CBLN1: variants seen among roughly 807,000 people sequenced by gnomAD.
The protein encoded by CBLN1 is cerebellin-1.
A neutral mutation model predicts 15.9 loss-of-function variants in CBLN1; 5 were observed. The observed-to-expected ratio is 0.31, with a 90% CI of 0.16 to 0.66. The LOEUF (loss-of-function observed/expected upper bound fraction) is 0.66, where lower values mean the gene tolerates loss of function less well. Ranked by LOEUF, CBLN1 falls within the 30% of genes least tolerant of loss-of-function variation. The probability of loss-of-function intolerance (pLI) is 0.75; values close to 1 mark genes in which losing one functional copy is unlikely to be tolerated. For synonymous variants in CBLN1, 90 were observed against 107.6 expected (o/e 0.84, Z 1.01); for missense variants, 164 against 253.7 (o/e 0.65, Z 2.40).
intron 2 of CBLN1, among the ~76,000 whole-genome samples, chr16:49,280,377 C>CCCCT (rs1226752918): frequency 6.6e-6 from 1 of 152,170 alleles, no homozygotes; most frequent in Non-Finnish European, 1.5e-5. Context: ...AGCACTACGC[C>CCCCT]CCCTCCCTCC....
chr16:49,280,086 G>A (rs113589461), intron 2 of CBLN1, among the ~76,000 whole-genome samples: 9,526 of 152,254 alleles, frequency 0.063, 313 homozygotes, highest in African/African-American at 0.082. Context: ...CAGCTGCCAG[G>A]ACACAGTGGA....
rs1963232298 is a variant in CBLN1, at chr16:49,279,281, C to G, written c.*123G>C. On this transcript the variant is annotated 3_prime_UTR_variant, in exon 3 of 3. Transcript: ENST00000219197. ...TGGCGCGCACCTTTTTACCCAGATA[C>G]AGTTAGAGAACATGTAGGAAGTTTC... 9 of 853,582 alleles carry G rather than the reference C, an allele frequency of 1.1e-5. No individual in the cohort carries two copies. Among genetic ancestry groups the G allele is most frequent in the Non-Finnish European group, 1.7e-5 (9 of 535,242 alleles). 52.9% of individuals were successfully genotyped at this position (853,582 alleles called of 1,614,324 possible).
rs1963233223 is a variant in CBLN1 at position 49,279,350 on chromosome 16, C to T, written c.*54G>A. On this transcript the variant is annotated 3_prime_UTR_variant, in exon 3 of 3. Transcript: ENST00000219197. ...GCCCTCTTAATTTCAGCCTCTTTCT[C>T]ACTCCCCTTCCTGCCTTCGCCCTCT... 1 of 1,531,384 alleles carries T rather than the reference C, an allele frequency of 6.5e-7. No homozygotes were observed. Among genetic ancestry groups the T allele is most frequent in the Non-Finnish European group, 9.0e-7 (1 of 1,106,656 alleles). 94.9% of individuals were successfully genotyped at this position (1,531,384 alleles called of 1,614,324 possible). A position where few individuals can be genotyped will look rare whatever the true frequency, so the allele number is the denominator to read the frequency against.
intron 2 of CBLN1, among the ~76,000 whole-genome samples, chr16:49,280,679 G>T (rs571266920): frequency 4.1e-4 from 63 of 152,274 alleles, no homozygotes; most frequent in Admixed American, 2.5e-3. Context: ...CTTCGGAGAG[G>T]CCCGGAAGGC....
In CBLN1 at chr16:49,278,426, C is replaced by T. The variant is rs1043800179; in HGVS notation, c.*978G>A. The T allele has an allele frequency of 1.3e-5, 2 of 152,282 alleles. No homozygotes were observed. The highest frequency in any genetic ancestry group is 2.9e-5 in the Non-Finnish European group (2 of 68,064). 9.4% of individuals were successfully genotyped at this position (152,282 alleles called of 1,614,324 possible). A position where few individuals can be genotyped will look rare whatever the true frequency, so the allele number is the denominator to read the frequency against. On this transcript the variant is annotated 3_prime_UTR_variant, in exon 3 of 3. Coordinates refer to ENST00000219197, the MANE Select transcript of CBLN1 (RefSeq NM_004352.4). ...AGGCCTTTCTATGGTTGCGTTCCCCCAAGTCTCCTGCCTTTCGGAACCTCG... is the reference window on the plus strand; with the variant it reads ...AGGCCTTTCTATGGTTGCGTTCCCCTAAGTCTCCTGCCTTTCGGAACCTCG...
chr16:49,279,183 G>C lies in CBLN1; in HGVS notation c.*221C>G. 1 of 548,168 alleles carries C rather than the reference G, an allele frequency of 1.8e-6. No homozygotes were observed. Among genetic ancestry groups the C allele is most frequent in the South Asian group, 2.5e-5 (1 of 39,592 alleles). 34.0% of individuals were successfully genotyped at this position (548,168 alleles called of 1,614,324 possible). A position where few individuals can be genotyped will look rare whatever the true frequency, so the allele number is the denominator to read the frequency against. On this transcript the variant is annotated 3_prime_UTR_variant, in exon 3 of 3. Transcript: ENST00000219197. Reference sequence around the variant, plus strand: ...GAATGGGGGAGGCGAGTTTATTTTTGGAAATGGGAGTGCGCAGAGCTAAGC... The same window carrying C: ...GAATGGGGGAGGCGAGTTTATTTTTCGAAATGGGAGTGCGCAGAGCTAAGC...
rs1963233269 is a variant in CBLN1, at chr16:49,279,360, C to T, written c.*44G>A. 6.3e-7 allele frequency: 1 copy of T among 1,578,130 alleles called. No homozygotes were observed. The highest frequency in any genetic ancestry group is 1.3e-5 in the African/African-American group (1 of 74,238). ...TTTCAGCCTCTTTCTCACTCCCCTTCCTGCCTTCGCCCTCTCCCTGCCTCC... is the reference window on the plus strand; with the variant it reads ...TTTCAGCCTCTTTCTCACTCCCCTTTCTGCCTTCGCCCTCTCCCTGCCTCC... On this transcript the variant is annotated 3_prime_UTR_variant, in exon 3 of 3. Transcript: ENST00000219197.
chr16:49,281,652 C>T lies in CBLN1; in HGVS notation c.-187G>A. ...TCCCCTCCGCGACTAGCGTCCCCTC[C>T]GCGCTGTGTTCCCGGAGCCCCTCCC... On this transcript the variant is annotated 5_prime_UTR_variant, in exon 1 of 3. Transcript: ENST00000219197. The T allele has an allele frequency of 2.4e-6, 1 of 410,332 alleles. No individual in the cohort carries two copies. The highest frequency in any genetic ancestry group is 3.9e-5 in the East Asian group (1 of 25,836). 25.4% of individuals were successfully genotyped at this position (410,332 alleles called of 1,614,324 possible). A position where few individuals can be genotyped will look rare whatever the true frequency, so the allele number is the denominator to read the frequency against.
intron 2 of CBLN1, 142 bp from the exon 3 acceptor site, chr16:49,279,743 G>A: frequency 1.5e-6 from 1 of 680,986 alleles, no homozygotes; most frequent in Middle Eastern, 3.7e-4. Flanking sequence ...GGCGAATGGA[G>A]GAAAAGGGGC....
intron 2 of CBLN1, 102 bp downstream of exon 2, chr16:49,280,821 A>C (rs973830898): frequency 1.5e-6 from 2 of 1,343,844 alleles, no homozygotes; most frequent in Non-Finnish European, 2.1e-6. Context: ...CCCGAAGTAC[A>C]TGCAGCCGCC....
rs1425594663 is a variant in CBLN1 at position 49,281,456 on chromosome 16, C to T, written c.10G>A (p.Val4Ile). 1 of 1,521,316 alleles carries T rather than the reference C, an allele frequency of 6.6e-7. No individual in the cohort carries two copies. Among genetic ancestry groups the T allele is most frequent in the Non-Finnish European group, 8.7e-7 (1 of 1,145,710 alleles). The allele number at this position is 1,521,316 out of a possible 1,614,324, so 94.2% of individuals were successfully genotyped here. A position where few individuals can be genotyped will look rare whatever the true frequency, so the allele number is the denominator to read the frequency against. MLG[V>I]LELLLLGAAW... ...GCCCCCAGCAGCAGCAGCTCCAGGA[C>T]GCCCAGCATCGCGCCGCCGGCGCCC... The change falls in exon 1 of 3, where the codon GTC becomes ATC. Residue 4 changes from valine (V) to isoleucine (I), a missense_variant. Around this residue, in one of 3 missense-constraint regions of CBLN1, gnomAD observed 127 missense variants for 179.7 expected, o/e 0.71. Transcript: ENST00000219197.
chr16:49,279,103 A>G lies in CBLN1; in HGVS notation c.*301T>C. 2.3e-6 allele frequency: 1 copy of G among 426,042 alleles called. No homozygotes were observed. The highest frequency in any genetic ancestry group is 4.2e-6 in the Non-Finnish European group (1 of 239,366). The allele number at this position is 426,042 out of a possible 1,614,324, so 26.4% of individuals were successfully genotyped here. On this transcript the variant is annotated 3_prime_UTR_variant, in exon 3 of 3. Transcript: ENST00000219197. The stretch of plus-strand genomic sequence containing the variant: ...TTTAAATAAATTGCAGGGAACATGA[A>G]GTTGGGGGATAAGAAACAATGACAA...
In CBLN1 at chr16:49,281,424, C is replaced by G. The variant is rs1963292174; in HGVS notation, c.42G>C (p.Trp14Cys). 6.3e-7 allele frequency: 1 copy of G among 1,595,964 alleles called. No individual in the cohort carries two copies. ...TCTGCCCGCGGGCCGGGCCCGCCAG[C>G]CACGCAGCCCCCAGCAGCAGCAGCT... is the stretch of plus-strand genomic sequence containing the variant. The part of the protein sequence containing the change: ...VLELLLLGAA[W>C]LAGPARGQNE... The change falls in exon 1 of 3, where the codon TGG (tryptophan) becomes TGC (cysteine). Residue 14 changes from tryptophan to cysteine, a missense_variant. Around this residue, in one of 3 missense-constraint regions of CBLN1, gnomAD observed 127 missense variants for 179.7 expected, o/e 0.71. Transcript: ENST00000219197.
rs1596802995 is a variant in CBLN1 at position 49,281,818 on chromosome 16, C to T, written c.-353G>A. 4.6e-6 allele frequency: 1 copy of T among 218,580 alleles called. No homozygotes were observed. The highest frequency in any genetic ancestry group is 1.6e-4 in the South Asian group (1 of 6,326). The allele number at this position is 218,580 out of a possible 1,614,324, so 13.5% of individuals were successfully genotyped here. A position where few individuals can be genotyped will look rare whatever the true frequency, so the allele number is the denominator to read the frequency against. ...CTCTGAATTATTGATGCAGCCGGCG[C>T]TGCAGCCGGAGCGGGCGGAGAGCGC... is the stretch of plus-strand genomic sequence containing the variant. On this transcript the variant is annotated 5_prime_UTR_variant, in exon 1 of 3. Coordinates refer to ENST00000219197, the MANE Select transcript of CBLN1 (RefSeq NM_004352.4).
rs751018451 is a variant in CBLN1 at position 49,281,288 on chromosome 16, C to A, written c.178G>T (p.Ala60Ser). The A allele has an allele frequency of 3.7e-6, 6 of 1,613,834 alleles. No homozygotes were observed. Among genetic ancestry groups the A allele is most frequent in the South Asian group, 2.2e-5 (2 of 91,082 alleles). The change falls in exon 1 of 3, where the codon GCC (alanine) becomes TCC (serine). Residue 60 changes from alanine to serine, a missense_variant. Transcript: ENST00000219197. ...ALGISVRSGS[A>S]KVAFSAIRST... The stretch of plus-strand genomic sequence containing the variant: ...CTGATGGCAGAGAAAGCCACCTTGG[C>A]GCTGCCAGAGCGCACAGAGATGCCC...
Position 49,281,182 on chromosome 16 carries a change from C to T in CBLN1, c.264+20G>A. ...CTTCACCAGCCCAATCTGCACGCCGCGGGAGGAAGGAACACTCACCTGGTC... is the reference window on the plus strand; with the variant it reads ...CTTCACCAGCCCAATCTGCACGCCGTGGGAGGAAGGAACACTCACCTGGTC... On this transcript the variant is annotated intron_variant, in intron 1 of 2. Transcript: ENST00000219197. The T allele has an allele frequency of 6.2e-7, 1 of 1,614,182 alleles. No individual in the cohort carries two copies. The highest frequency in any genetic ancestry group is 8.5e-7 in the Non-Finnish European group (1 of 1,180,040).
rs1185148329 is a variant in CBLN1, at chr16:49,281,510, G to A, written c.-45C>T. 4.0e-6 allele frequency: 5 copies of A among 1,235,462 alleles called. No individual in the cohort carries two copies. The highest frequency in any genetic ancestry group is 3.0e-4 in the Middle Eastern group (1 of 3,338). 76.5% of individuals were successfully genotyped at this position (1,235,462 alleles called of 1,614,324 possible). On this transcript the variant is annotated 5_prime_UTR_variant, in exon 1 of 3. Transcript: ENST00000219197. ...CCGCCCCCCACCCCCAGGGCTGCTC[G>A]CGCCAGCCGCCCCCCCCGTCCCAGT...
rs1290797588 is a variant in CBLN1, at chr16:49,279,419, C to T, written c.567G>A (p.Leu189=). 1 of 1,614,194 alleles carries T rather than the reference C, an allele frequency of 6.2e-7. No homozygotes were observed. The change falls in exon 3 of 3, where the codon CTG becomes CTA. Residue 189 remains leucine, a synonymous_variant. Coordinates refer to ENST00000219197, the MANE Select transcript of CBLN1 (RefSeq NM_004352.4). Reference sequence around the variant, plus strand: ...TACGAGCCAGTCAGAGAGGAAACACCAGGAATCCGGAGAAGGTCGAGTACT... The same window carrying T: ...TACGAGCCAGTCAGAGAGGAAACACTAGGAATCCGGAGAAGGTCGAGTACT... ...GWKYSTFSGF[L]VFPL is the part of the protein sequence containing the mutation.
Position 49,279,049 on chromosome 16 carries a change from T to C in CBLN1, c.*355A>G, listed in dbSNP as rs1963229369. 3.9e-6 allele frequency: 1 copy of C among 255,898 alleles called. No individual in the cohort carries two copies. Among genetic ancestry groups the C allele is most frequent in the South Asian group, 6.5e-5 (1 of 15,454 alleles). 15.9% of individuals were successfully genotyped at this position (255,898 alleles called of 1,614,324 possible). ...TCAGAGGGGGCTAGGGAGAAAGATTTCAGATTATGTAGTGAAATACAAAGT... is the reference window on the plus strand; with the variant it reads ...TCAGAGGGGGCTAGGGAGAAAGATTCCAGATTATGTAGTGAAATACAAAGT... On this transcript the variant is annotated 3_prime_UTR_variant, in exon 3 of 3. Transcript: ENST00000219197.
Sources: gnomAD v4.1 joint callset for allele counts (sites outside exome capture counted in the v4.1 genomes callset) on GRCh38, gnomAD v4.1.1 for gene constraint, gnomAD v4.1.1 regional missense constraint, MANE v1.5 for transcripts, NCBI Gene and HGNC (gene_info 2026-07-23, HGNC 2026-07-21) for gene names.